The following TAFA1 variants were observed in gnomAD, a reference collection of about 807,000 sequenced individuals.
The protein encoded by TAFA1 is TAFA chemokine like family member 1.
In TAFA1, 4 loss-of-function variants were observed where a neutral mutation model predicts 18.5. That is an observed-to-expected ratio of 0.22 (90% CI 0.11 to 0.49). The LOEUF is 0.49. Among genes scored for constraint, TAFA1 ranks in the 20% least tolerant of loss-of-function variants. TAFA1 has a pLI of 0.98. For synonymous variants in TAFA1, 56 were observed against 55.2 expected (o/e 1.01, Z -0.06); for missense variants, 147 against 169.0 (o/e 0.87, Z 0.72).
chr3:68,357,074 G>A (rs1047624234), intron 2 of TAFA1, among the ~76,000 whole-genome samples: 4 of 151,876 alleles, frequency 2.6e-5, no homozygotes, highest in Admixed American at 6.6e-5. Flanking sequence ...CCATGTATGT[G>A]TTTTCTCTTG....
chr3:68,162,483 A>G (rs1487676361), intron 2 of TAFA1, among the ~76,000 whole-genome samples: 2 of 152,040 alleles, frequency 1.3e-5, no homozygotes, highest in Admixed American at 6.5e-5. Flanking sequence ...CCTGCCGCTC[A>G]CCTCCATGGA....
chr3:68,478,178 A>G (rs567588067), intron 3 of TAFA1, among the ~76,000 whole-genome samples: 2 of 152,326 alleles, frequency 1.3e-5, no homozygotes, highest in African/African-American at 4.8e-5. Flanking sequence ...CTCATTAGGT[A>G]TTCCCAATTT....
chr3:68,483,672 G>A (rs1406243506), intron 3 of TAFA1, among the ~76,000 whole-genome samples: 3 of 152,160 alleles, frequency 2.0e-5, no homozygotes, highest in African/African-American at 7.2e-5. Context: ...TACCTAGGGT[G>A]GTTTGAAAAA....
chr3:68,454,544 G>A lies in TAFA1; in HGVS notation c.259+37124G>A, dbSNP rs531124829. ...CCCTTACCTCTATGCCTATTCCTGA[G>A]CTTCTAAGAAGGGTTGGAAATCTTG... On this transcript the variant is annotated intron_variant, in intron 3 of 4. Coordinates refer to ENST00000478136, the MANE Select transcript of TAFA1 (RefSeq NM_213609.4). Among the ~76,000 whole-genome samples, 4 of 152,262 alleles carry A rather than the reference G, an allele frequency of 2.6e-5. No individual in the cohort carries two copies. In the South Asian group the frequency reaches 8.3e-4, roughly 32 times the overall value.
chr3:68,222,774 G>T lies in TAFA1; in HGVS notation c.119-194506G>T, dbSNP rs112637196. ...GTGTGATTTTGGCTCACAGGTTCAA[G>T]CGATTCTCCTGTCTCAACCTCCCAA... On this transcript the variant is annotated intron_variant, in intron 2 of 4. Transcript: ENST00000478136. 4.2e-3 allele frequency among the ~76,000 whole-genome samples: 638 copies of T among 152,064 alleles called. 2 individuals carry two copies. Among genetic ancestry groups the T allele is most frequent in the African/African-American group, 0.015 (613 of 41,490 alleles).
intron 2 of TAFA1, among the ~76,000 whole-genome samples, chr3:68,164,899 C>G (rs2065965752): frequency 6.6e-6 from 1 of 151,996 alleles, no homozygotes; most frequent in Non-Finnish European, 1.5e-5. Context: ...TGTATTTCCC[C>G]CACCCCAACT....
chr3:68,123,985 A>T (rs1000365075), intron 2 of TAFA1, among the ~76,000 whole-genome samples: 1 of 150,498 alleles, frequency 6.6e-6, no homozygotes, highest in Non-Finnish European at 1.5e-5. Context: ...GTTTTTAAAA[A>T]AGCTTCCTCA....
chr3:67,994,203 T>C, the TAFA1 span, among the ~76,000 whole-genome samples: 2 of 152,198 alleles, frequency 1.3e-5, no homozygotes, highest in African/African-American at 4.8e-5. Context: ...TCATTACAAC[T>C]AATTTAACAA....
In TAFA1 at chr3:68,006,683, A is replaced by G. The variant is rs187893622; in HGVS notation, c.57A>G (p.Ala19=). The change falls in exon 2 of 5, where the codon GCA becomes GCG. Residue 19 remains alanine, a synonymous_variant. Coordinates refer to ENST00000478136, the MANE Select transcript of TAFA1 (RefSeq NM_213609.4). ...TGTATTTGTGGATAAGTGCTTGTGC[A>G]ATGCTACTCTGCCATGGATCCCTTC... ...WVLYLWISAC[A]MLLCHGSLQH... is the part of the protein sequence containing the mutation. The G allele has an allele frequency of 1.7e-5, 27 of 1,614,046 alleles. No individual in the cohort carries two copies. In the East Asian group the frequency reaches 5.8e-4, roughly 35 times the overall value.
chr3:68,092,408 AG>A (rs1002369650), intron 2 of TAFA1, among the ~76,000 whole-genome samples: 54 of 152,280 alleles, frequency 3.5e-4, no homozygotes, highest in African/African-American at 1.3e-3. Flanking sequence ...TTAGAGAAAA[AG>A]GTTCTGAGAA....
At chr3:68,490,579 AC>A (rs2106679791) in intron 3 of TAFA1, among the ~76,000 whole-genome samples, 1 of 152,282 alleles carries the variant, frequency 6.6e-6, no homozygotes, top group East Asian at 1.9e-4. Flanking sequence ...TGAAACTAAA[AC>A]TTTCTTCTAT....
chr3:68,114,472 C>A (rs1476170255), intron 2 of TAFA1, among the ~76,000 whole-genome samples: 1 of 152,080 alleles, frequency 6.6e-6, no homozygotes, highest in Non-Finnish European at 1.5e-5. Context: ...TATACAGGAG[C>A]CAATAAACTT....
chr3:68,351,454 AG>A (rs1174781930), intron 2 of TAFA1, among the ~76,000 whole-genome samples: 4 of 152,038 alleles, frequency 2.6e-5, no homozygotes, highest in African/African-American at 9.7e-5. Flanking sequence ...CAACCCCCAT[AG>A]GTTTGTAGTT....
At chr3:68,529,100 T>A (rs2073149421) in intron 3 of TAFA1, among the ~76,000 whole-genome samples, 1 of 151,766 alleles carries the variant, frequency 6.6e-6, no homozygotes, top group African/African-American at 2.4e-5. Flanking sequence ...CAAAGATTAG[T>A]ATAGTATTAA....
chr3:68,511,010 G>A (rs1241177170), intron 3 of TAFA1, among the ~76,000 whole-genome samples: 4 of 152,090 alleles, frequency 2.6e-5, no homozygotes, highest in Admixed American at 6.6e-5. Flanking sequence ...CAAAAGTACA[G>A]GAGAAAGGTC....
chr3:68,084,433 A>G (rs1575608173), intron 2 of TAFA1, among the ~76,000 whole-genome samples: 1 of 152,142 alleles, frequency 6.6e-6, no homozygotes, highest in South Asian at 2.1e-4. Context: ...GATCAGTCCA[A>G]AAAATTTCTC....
At chr3:68,468,645 T>C (rs769535423) in intron 3 of TAFA1, among the ~76,000 whole-genome samples, 2 of 152,188 alleles carry the variant, frequency 1.3e-5, no homozygotes, top group Non-Finnish European at 2.9e-5. Flanking sequence ...CTGAAATGAT[T>C]GGACAGAATG....
At chr3:68,417,527 C>T (rs1312680480) in intron 3 of TAFA1, 107 bp downstream of exon 3, 16 of 1,080,206 alleles carry the variant, frequency 1.5e-5, no homozygotes, top group South Asian at 8.7e-5. Context: ...AAGGTGCATC[C>T]GAAGTGTTAG....
chr3:68,074,115 T>A (rs1302953576), intron 2 of TAFA1, among the ~76,000 whole-genome samples: 1 of 152,156 alleles, frequency 6.6e-6, no homozygotes, highest in African/African-American at 2.4e-5. Context: ...GGCATTAGAT[T>A]CTCATACGGA....
Sources: gnomAD v4.1 joint callset for allele counts (sites outside exome capture counted in the v4.1 genomes callset) on GRCh38, gnomAD v4.1.1 for gene constraint, MANE v1.5 for transcripts, NCBI Gene and HGNC (gene_info 2026-07-23, HGNC 2026-07-21) for gene names.